PRR33: variants seen among roughly 807,000 people sequenced by gnomAD.
PRR33 encodes the protein proline-rich protein 33.
A neutral mutation model predicts 0.5 loss-of-function variants in PRR33; 1 was observed. That is an observed-to-expected ratio of 2.18 (90% CI 0.77 to 10.34). The LOEUF (loss-of-function observed/expected upper bound fraction) is 10.34, where lower values mean the gene tolerates loss of function less well. Ranked by LOEUF, PRR33 falls within the 30% of genes most tolerant of loss-of-function variation. The probability of loss-of-function intolerance (pLI) is 0.13; values close to 1 mark genes in which losing one functional copy is unlikely to be tolerated. For synonymous variants in PRR33, 226 were observed against 110.0 expected (o/e 2.06, Z -6.60); for missense variants, 552 against 251.8 (o/e 2.19, Z -8.07).
At chr11:1,903,692 C>A in the PRR33 span, among the ~76,000 whole-genome samples, 2 of 152,142 alleles carry the variant, frequency 1.3e-5, no homozygotes, top group Non-Finnish European at 2.9e-5. Context: ...TACGGACATA[C>A]GAGCCAGAAG....
the PRR33 span, among the ~76,000 whole-genome samples, chr11:1,906,915 C>G: frequency 6.6e-6 from 1 of 152,226 alleles, no homozygotes; most frequent in African/African-American, 2.4e-5. Context: ...CTTCAGCTGC[C>G]TGGAGACCCC....
At chr11:1,889,126 G>A (rs545299176) in exon 1 of PRR33, 2 of 625,588 alleles carry the variant, frequency 3.2e-6, no homozygotes, top group South Asian at 1.8e-5. Flanking sequence ...CCTGGGCTCT[G>A]GGGGCCATTC....
chr11:1,901,313 TAA>T, the PRR33 span, among the ~76,000 whole-genome samples: 8 of 135,156 alleles, frequency 5.9e-5, no homozygotes, highest in Non-Finnish European at 9.7e-5. Context: ...ACACCACCTC[TAA>T]AAAAAAAAAA....
chr11:1,914,843 G>A, the PRR33 span, among the ~76,000 whole-genome samples: 3 of 120,894 alleles, frequency 2.5e-5, no homozygotes, highest in Non-Finnish European at 5.0e-5. Context: ...GTACAAACCT[G>A]GAGATGTTTC....
the PRR33 span, among the ~76,000 whole-genome samples, chr11:1,904,546 G>C: frequency 1.3e-5 from 2 of 150,944 alleles, no homozygotes; most frequent in East Asian, 4.0e-4. Context: ...AAAAAAAAAA[G>C]AAGAAATTTA....
chr11:1,889,450 G>A lies in PRR33; in HGVS notation c.1135C>T (p.Pro379Ser), dbSNP rs1459859353. Reference sequence around the variant, plus strand: ...AGGGCGGGCACCTCCTGCTCTGTGGGGGCAGGCACCTCCTGCTCTGTGGGG... The same window carrying A: ...AGGGCGGGCACCTCCTGCTCTGTGGAGGCAGGCACCTCCTGCTCTGTGGGG... The change falls in exon 1 of 1, where the codon CCC becomes TCC. Residue 379 changes from proline to serine, a missense_variant. Pro to Ser is a moderately conservative substitution (Grantham distance 74, BLOSUM62 -1). Coordinates refer to ENST00000640310, the Ensembl canonical transcript of PRR33. The A allele has an allele frequency of 4.7e-6, 3 of 645,048 alleles. 1 individual carries two copies. The South Asian group carries it at 5.2e-5, about 11-fold the overall frequency. The allele number at this position is 645,048 out of a possible 1,614,324, so 40.0% of individuals were successfully genotyped here. A position where few individuals can be genotyped will look rare whatever the true frequency, so the allele number is the denominator to read the frequency against.
upstream of PRR33, among the ~76,000 whole-genome samples, chr11:1,893,611 G>A (rs1849079200): frequency 1.3e-5 from 2 of 149,524 alleles, no homozygotes; most frequent in Admixed American, 1.3e-4. Flanking sequence ...TGAGTGAATG[G>A]GTAGGTGGGT....
the PRR33 span, among the ~76,000 whole-genome samples, chr11:1,914,557 G>T: frequency 7.0e-6 from 1 of 143,086 alleles, no homozygotes; most frequent in African/African-American, 2.7e-5. Context: ...TGTGTTGTAG[G>T]GTATATACAC....
chr11:1,917,470 C>T, the PRR33 span, among the ~76,000 whole-genome samples: 2 of 152,218 alleles, frequency 1.3e-5, no homozygotes, highest in African/African-American at 2.4e-5. Context: ...GCCAAGGCCC[C>T]GTGGTCCGTC....
At chr11:1,916,699 G>C in the PRR33 span, among the ~76,000 whole-genome samples, 4 of 152,166 alleles carry the variant, frequency 2.6e-5, no homozygotes, top group African/African-American at 7.2e-5. Context: ...CCCCTTGTCA[G>C]ATCATCTGCA....
chr11:1,899,146 A>G, the PRR33 span, among the ~76,000 whole-genome samples: 3 of 152,066 alleles, frequency 2.0e-5, no homozygotes, highest in Non-Finnish European at 4.4e-5. Flanking sequence ...TTTTAGTTCT[A>G]TTATTCAGAG....
chr11:1,898,665 G>A, the PRR33 span, among the ~76,000 whole-genome samples: 1 of 152,298 alleles, frequency 6.6e-6, no homozygotes, highest in South Asian at 2.1e-4. Flanking sequence ...GAGGAGTGGA[G>A]CGATGTTGTT....
chr11:1,894,057 A>AGTGT (rs61527876), upstream of PRR33, among the ~76,000 whole-genome samples: 9,224 of 52,286 alleles, frequency 0.18, 1,067 homozygotes, highest in Non-Finnish European at 0.26. Context: ...GGAGTGTGGG[A>AGTGT]GTGTGTGTGT....
chr11:1,890,229 A>C, exon 1 of PRR33: 1 of 715,408 alleles, frequency 1.4e-6, no homozygotes, highest in Non-Finnish European at 2.6e-6. Context: ...GTGGTGGATG[A>C]TGGGGGTGTG....
the PRR33 span, among the ~76,000 whole-genome samples, chr11:1,897,627 G>A: frequency 6.6e-6 from 1 of 152,154 alleles, no homozygotes; most frequent in Non-Finnish European, 1.5e-5. This position sits in a 1 kb window ranked among gnomAD's most constrained non-coding sequence, Gnocchi z 4.0. Flanking sequence ...CCCTGCCTTT[G>A]GTCAGGTTCT....
At chr11:1,890,275 C>A (rs779498520) in exon 1 of PRR33, 85 of 712,952 alleles carry the variant, frequency 1.2e-4, no homozygotes, top group Middle Eastern at 6.9e-4. Flanking sequence ...ATGCGGGGAG[C>A]CTCGGCGGGG....
At chr11:1,903,625 C>A in the PRR33 span, among the ~76,000 whole-genome samples, 1 of 152,182 alleles carries the variant, frequency 6.6e-6, no homozygotes, top group Admixed American at 6.5e-5. Flanking sequence ...TTTTCATTCA[C>A]CTTTAGTAAG....
the PRR33 span, among the ~76,000 whole-genome samples, chr11:1,898,297 C>T: frequency 6.6e-6 from 1 of 151,976 alleles, no homozygotes; most frequent in Non-Finnish European, 1.5e-5. Flanking sequence ...CGGCGCCAGC[C>T]ATGTCTCGGC....
At chr11:1,892,575 C>A (rs1849044449), upstream of PRR33, among the ~76,000 whole-genome samples, 1 of 152,156 alleles carries the variant, frequency 6.6e-6, no homozygotes, top group Non-Finnish European at 1.5e-5. Context: ...GCAAGATCCA[C>A]CTCGGGGCCT....
Sources: allele counts gnomAD v4.1 joint callset (sites outside exome capture counted in the v4.1 genomes callset), GRCh38; gene constraint gnomAD v4.1.1; non-coding constraint Gnocchi (gnomAD v3.1); transcripts MANE v1.5; gene names NCBI Gene and HGNC (gene_info 2026-07-23, HGNC 2026-07-21).